BTNL9: variants seen among roughly 807,000 people sequenced by gnomAD.
The protein encoded by BTNL9 is butyrophilin-like protein 9.
Under a neutral mutation model 45.8 loss-of-function variants are expected in BTNL9, and 45 were observed. The observed-to-expected ratio is 0.98, with a 90% CI of 0.77 to 1.26. BTNL9 has a LOEUF of 1.26. BTNL9 is among the 50% of genes most tolerant of loss of function. The probability of loss-of-function intolerance (pLI) is 0.00; values close to 1 mark genes in which losing one functional copy is unlikely to be tolerated. For synonymous variants in BTNL9, 346 were observed against 330.8 expected (o/e 1.05, Z -0.50); for missense variants, 784 against 729.7 (o/e 1.07, Z -0.86).
At position 181,053,017 on chromosome 5, in the gene BTNL9, C is replaced by G. The variant is rs2113222535; in HGVS notation, c.737-183C>G. The G allele has an allele frequency of 1.3e-5, 2 of 149,350 alleles. No individual in the cohort carries two copies. Among genetic ancestry groups the G allele is most frequent in the East Asian group, 3.7e-4 (2 of 5,386 alleles). The allele number at this position is 149,350 out of a possible 1,614,324, so 9.3% of individuals were successfully genotyped here. The stretch of plus-strand genomic sequence containing the variant: ...CCGCGGCGCGCCCCCGCCCCCTCCG[C>G]CGCGCGCGCCCCCGCCCCCTCCGCC... On this transcript the variant is annotated intron_variant, in intron 4 of 10. Transcript: ENST00000327705. This position sits in a 1 kb window ranked among gnomAD's most constrained non-coding sequence, Gnocchi z 6.5.
chr5:181,048,042 C>T lies in BTNL9; in HGVS notation c.225C>T (p.Phe75=). The change falls in exon 3 of 11, where the codon TTC becomes TTT. Residue 75 remains phenylalanine, a synonymous_variant. Coordinates refer to ENST00000327705, the MANE Select transcript of BTNL9 (RefSeq NM_152547.5). ...CCCAGCAAATGGAGATCCGCTGGTT[C>T]CGGAGTCAGACCTTCAATGTGGTAC... ...LDAQQMEIRW[F]RSQTFNVVHL... The T allele has an allele frequency of 1.2e-6, 2 of 1,613,736 alleles. No individual in the cohort carries two copies. Among genetic ancestry groups the T allele is most frequent in the Non-Finnish European group, 1.7e-6 (2 of 1,180,008 alleles).
chr5:181,059,157 A>G, intron 10 of BTNL9, 80 bp from the exon 11 acceptor site: 1 of 1,404,496 alleles, frequency 7.1e-7, no homozygotes, highest in Non-Finnish European at 9.2e-7. Context: ...AAGAGAAACG[A>G]GAGGTTTGTC....
rs745321138 is a variant in BTNL9, at chr5:181,042,933, G to A, written c.-24+2501G>A. Among the ~76,000 whole-genome samples, 2 of 152,092 alleles carry A rather than the reference G, an allele frequency of 1.3e-5. No individual in the cohort carries two copies. Among genetic ancestry groups the A allele is most frequent in the Non-Finnish European group, 2.9e-5 (2 of 68,018 alleles). ...GGAAGGGTGTACCCAGACACACGACGTAGCTGGTGAGGAATCTGAATTCGA... is the reference window on the plus strand; with the variant it reads ...GGAAGGGTGTACCCAGACACACGACATAGCTGGTGAGGAATCTGAATTCGA... On this transcript the variant is annotated intron_variant, in intron 1 of 10. Transcript: ENST00000327705. This position sits in a 1 kb window ranked among gnomAD's most constrained non-coding sequence, Gnocchi z 4.5.
rs974725758 is a variant in BTNL9, at chr5:181,056,035, C to T, written c.955+20C>T. The T allele has an allele frequency of 1.9e-6, 3 of 1,613,670 alleles. No homozygotes were observed. The African/African-American group carries it at 4.0e-5, about 22-fold the overall frequency. On this transcript the variant is annotated intron_variant, in intron 9 of 10. Coordinates refer to ENST00000327705, the MANE Select transcript of BTNL9 (RefSeq NM_152547.5). Reference sequence around the variant, plus strand: ...AGGCTGGTGAGTGGAACCCATCTCTCTCTGACTCCTCCTCATTTATATCTG... The same window carrying T: ...AGGCTGGTGAGTGGAACCCATCTCTTTCTGACTCCTCCTCATTTATATCTG...
In BTNL9 at chr5:181,053,383, G is replaced by A. The variant is rs1419261113; in HGVS notation, c.853+67G>A. Reference sequence around the variant, plus strand: ...TGCTGAACCCCGGGGCCGCGGAGGCGCCTCCCCCCAGGACGCGGCGCGGGA... The same window carrying A: ...TGCTGAACCCCGGGGCCGCGGAGGCACCTCCCCCCAGGACGCGGCGCGGGA... On this transcript the variant is annotated intron_variant, in intron 5 of 10. Transcript: ENST00000327705. This position sits in a 1 kb window ranked among gnomAD's most constrained non-coding sequence, Gnocchi z 6.5. 1.3e-6 allele frequency: 2 copies of A among 1,515,088 alleles called. No individual in the cohort carries two copies. The highest frequency in any genetic ancestry group is 5.0e-5 in the East Asian group (2 of 39,642). The allele number at this position is 1,515,088 out of a possible 1,614,324, so 93.9% of individuals were successfully genotyped here. A position where few individuals can be genotyped will look rare whatever the true frequency, so the allele number is the denominator to read the frequency against.
chr5:181,044,470 C>T (rs879507671), intron 1 of BTNL9, among the ~76,000 whole-genome samples: 19 of 152,096 alleles, frequency 1.2e-4, no homozygotes, highest in Non-Finnish European at 1.8e-4. Context: ...GAAGACAGTG[C>T]GTGGGCGTTG....
At position 181,047,109 on chromosome 5, in the gene BTNL9, G is replaced by T. The variant is rs138364905; in HGVS notation, c.110-818G>T. ...ATGGAGTTTTAGCTGAACTTGGAAAGAAAGGAGAGGAGAAGTACAGAGGCC... is the reference window on the plus strand; with the variant it reads ...ATGGAGTTTTAGCTGAACTTGGAAATAAAGGAGAGGAGAAGTACAGAGGCC... On this transcript the variant is annotated intron_variant, in intron 2 of 10. Transcript: ENST00000327705. 3.5e-4 allele frequency among the ~76,000 whole-genome samples: 53 copies of T among 152,306 alleles called. No individual in the cohort carries two copies. In the East Asian group the frequency reaches 9.6e-3, roughly 28 times the overall value.
intron 10 of BTNL9, 168 bp from the exon 11 acceptor site, chr5:181,059,068 CA>C: frequency 2.8e-6 from 2 of 720,172 alleles, no homozygotes; most frequent in Middle Eastern, 6.9e-4. Context: ...GTGACTGACA[CA>C]TGCCACTTCA....
At chr5:181,043,456 G>C (rs1325345856) in intron 1 of BTNL9, 1 of 152,336 alleles carries the variant, frequency 6.6e-6, no homozygotes, top group Admixed American at 6.5e-5. Flanking sequence ...CCTGCCCCCA[G>C]TCCAGGGAAA....
intron 2 of BTNL9, among the ~76,000 whole-genome samples, chr5:181,045,890 C>G (rs1343399441): frequency 1.5e-5 from 1 of 64,876 alleles, no homozygotes. Flanking sequence ...CCCCAGCCCC[C>G]GACACCTCCT....
In BTNL9 at chr5:181,053,390, C is replaced by A. The variant is rs1173125367; in HGVS notation, c.853+74C>A. The A allele has an allele frequency of 6.5e-6, 10 of 1,529,512 alleles. No homozygotes were observed. Among genetic ancestry groups the A allele is most frequent in the Admixed American group, 6.1e-5 (3 of 49,462 alleles). 94.7% of individuals were successfully genotyped at this position (1,529,512 alleles called of 1,614,324 possible). On this transcript the variant is annotated intron_variant, in intron 5 of 10. Transcript: ENST00000327705. The surrounding 1 kb of genome is among the most constrained non-coding windows in gnomAD (Gnocchi z 6.5). ...CCCCGGGGCCGCGGAGGCGCCTCCC[C>A]CCAGGACGCGGCGCGGGAAGGCGGC...
chr5:181,048,317 G>A lies in BTNL9; in HGVS notation c.454+46G>A, dbSNP rs757120751. On this transcript the variant is annotated intron_variant, in intron 3 of 10. Coordinates refer to ENST00000327705, the MANE Select transcript of BTNL9 (RefSeq NM_152547.5). The stretch of plus-strand genomic sequence containing the variant: ...CCCTGCAGAGGAGAGGGAGATCCAG[G>A]TGCTTTGCCAAGTAGAGGTGGAGTC... The A allele has an allele frequency of 2.6e-6, 4 of 1,511,272 alleles. No homozygotes were observed. In the Admixed American group the frequency reaches 7.5e-5, roughly 28 times the overall value. The allele number at this position is 1,511,272 out of a possible 1,614,324, so 93.6% of individuals were successfully genotyped here.
At chr5:181,049,775 G>A (rs1761433851) in intron 3 of BTNL9, among the ~76,000 whole-genome samples, 2 of 152,156 alleles carry the variant, frequency 1.3e-5, no homozygotes, top group Admixed American at 1.3e-4. Context: ...AGAATTTAGG[G>A]TGCTGCTATT....
rs761989276 is a variant in BTNL9 at position 181,053,862 on chromosome 5, T to G, written c.886+361T>G. On this transcript the variant is annotated intron_variant, in intron 6 of 10. Transcript: ENST00000327705. This position sits in a 1 kb window ranked among gnomAD's most constrained non-coding sequence, Gnocchi z 6.5. ...CATAGCGCACAGGGAGTCGGGCGGA[T>G]GCGCAACATCTCCGCACAGGGTCAG... The G allele has an allele frequency of 1.3e-6, 2 of 1,500,666 alleles. No individual in the cohort carries two copies. Among genetic ancestry groups the G allele is most frequent in the Non-Finnish European group, 1.8e-6 (2 of 1,124,328 alleles). The allele number at this position is 1,500,666 out of a possible 1,614,324, so 93.0% of individuals were successfully genotyped here. A position where few individuals can be genotyped will look rare whatever the true frequency, so the allele number is the denominator to read the frequency against.
intron 9 of BTNL9, among the ~76,000 whole-genome samples, chr5:181,057,322 A>T (rs1761936162): frequency 6.6e-6 from 1 of 151,978 alleles, no homozygotes; most frequent in Non-Finnish European, 1.5e-5. Flanking sequence ...TGCATCTTTA[A>T]TCCCTCTAAA....
chr5:181,046,245 C>G (rs1761134189), intron 2 of BTNL9, among the ~76,000 whole-genome samples: 2 of 138,986 alleles, frequency 1.4e-5, no homozygotes, highest in African/African-American at 2.7e-5. Context: ...ATCTCCCCAG[C>G]CTGTAGTGTT....
rs773217170 is a variant in BTNL9 at position 181,059,627 on chromosome 5, G to T, written c.1373G>T (p.Gly458Val). 6.2e-7 allele frequency: 1 copy of T among 1,613,494 alleles called. No individual in the cohort carries two copies. Among genetic ancestry groups the T allele is most frequent in the South Asian group, 1.1e-5 (1 of 91,088 alleles). ...GGCGTCTTCCTGGACTACGAGGCCG[G>T]AGAGCTGTCCTTCTTCAACGTGTCC... Reference protein sequence around the residue: ...RLGVFLDYEAGELSFFNVSDG... With the variant: ...RLGVFLDYEAVELSFFNVSDG... Residue 458 changes from glycine to valine, a missense_variant, in exon 11 of 11, where the codon GGA becomes GTA. Physicochemically the swap from Gly to Val is moderately radical, Grantham distance 109 (BLOSUM62 -3). Transcript: ENST00000327705.
At chr5:181,054,741 T>A (rs559347590) in intron 7 of BTNL9, 154 of 984,412 alleles carry the variant, frequency 1.6e-4, no homozygotes, top group Non-Finnish European at 1.8e-4. Flanking sequence ...GCCATCATGG[T>A]GTTGGGGTTG....
rs1346455025 is a variant in BTNL9 at position 181,055,964 on chromosome 5, T to G, written c.929-25T>G. ...AGCTTGGGGTCCTGATGTGCTAATT[T>G]CCTGTTTTCCCTTGGTTGCTTCAGA... On this transcript the variant is annotated intron_variant, in intron 8 of 10. Coordinates refer to ENST00000327705, the MANE Select transcript of BTNL9 (RefSeq NM_152547.5). This position sits in a 1 kb window ranked among gnomAD's most constrained non-coding sequence, Gnocchi z 4.4. The G allele has an allele frequency of 6.2e-7, 1 of 1,614,122 alleles. No individual in the cohort carries two copies. Among genetic ancestry groups the G allele is most frequent in the Admixed American group, 1.7e-5 (1 of 60,020 alleles).
Sources: allele counts gnomAD v4.1 joint callset (sites outside exome capture counted in the v4.1 genomes callset), GRCh38; gene constraint gnomAD v4.1.1; non-coding constraint Gnocchi (gnomAD v3.1); transcripts MANE v1.5; gene names NCBI Gene and HGNC (gene_info 2026-07-23, HGNC 2026-07-21).